NDUFB9: variants seen among roughly 807,000 people sequenced by gnomAD.
NDUFB9 encodes NADH dehydrogenase [ubiquinone] 1 beta subcomplex subunit 9.
A neutral mutation model predicts 30.2 loss-of-function variants in NDUFB9; 24 were observed. The ratio of observed to expected loss-of-function variants is 0.80; its 90% confidence interval spans 0.58 to 1.12. The LOEUF is 1.12. NDUFB9 is among the 50% of genes most tolerant of loss of function. The pLI is 0.00. For synonymous variants in NDUFB9, 80 were observed against 84.0 expected (o/e 0.95, Z 0.26); for missense variants, 204 against 226.0 (o/e 0.90, Z 0.62).
Position 124,539,595 on chromosome 8 carries a change from T to C in NDUFB9, c.101+308T>C, listed in dbSNP as rs138105042. 4.2e-4 allele frequency: 167 copies of C among 393,034 alleles called. 5 individuals are homozygous for C. The East Asian group carries it at 8.1e-3, about 19-fold the overall frequency. The allele number at this position is 393,034 out of a possible 1,614,324, so 24.3% of individuals were successfully genotyped here. A position where few individuals can be genotyped will look rare whatever the true frequency, so the allele number is the denominator to read the frequency against. On this transcript the variant is annotated intron_variant, in intron 1 of 3. Transcript: ENST00000276689. ...AGGAAAGTGCCTAAAATTGTAATTG[T>C]CATGGGTCCAGCGCTCGCTCAATCG... is the stretch of plus-strand genomic sequence containing the variant.
chr8:124,541,546 T>G (rs1821987041), intron 1 of NDUFB9, among the ~76,000 whole-genome samples: 1 of 152,240 alleles, frequency 6.6e-6, no homozygotes, highest in South Asian at 2.1e-4. Context: ...CCTTAAGATA[T>G]ACACACTGTT....
Position 124,543,208 on chromosome 8 carries a change from C to T in NDUFB9, c.223C>T (p.Gln75Ter). The T allele has an allele frequency of 1.2e-6, 2 of 1,614,204 alleles. No homozygotes were observed. Among genetic ancestry groups the T allele is most frequent in the Non-Finnish European group, 1.7e-6 (2 of 1,180,022 alleles). ...KEAEEEFWYR[Q>*]HPQPYIFPDS... ...GGCCGAGGAAGAATTCTGGTACCGT[C>T]AGCATCCACAGCCATACATCTTCCC... The change falls in exon 2 of 4, where the codon CAG becomes TAG. Residue 75 changes from glutamine (Q) to a stop codon, truncating the protein, a stop_gained. Transcript: ENST00000276689. LOFTEE classifies it high-confidence loss of function.
chr8:124,547,922 T>G (rs1013204414), intron 3 of NDUFB9, among the ~76,000 whole-genome samples: 1 of 151,636 alleles, frequency 6.6e-6, no homozygotes, highest in Admixed American at 6.6e-5. Context: ...GAGGTGGAGG[T>G]TGCAATGAGC....
intron 3 of NDUFB9, among the ~76,000 whole-genome samples, chr8:124,548,463 T>C (rs1822221869): frequency 6.6e-6 from 1 of 152,092 alleles, no homozygotes; most frequent in African/African-American, 2.4e-5. Context: ...ATTTGGAGAA[T>C]GTGGACAAGA....
At chr8:124,541,447 G>C (rs1821980880) in intron 1 of NDUFB9, among the ~76,000 whole-genome samples, 1 of 152,114 alleles carries the variant, frequency 6.6e-6, no homozygotes, top group Non-Finnish European at 1.5e-5. Context: ...TCTCTTTCCA[G>C]TATGATATTA....
chr8:124,549,890 TAGAA>T lies in NDUFB9; in HGVS notation c.*2_*5del, dbSNP rs996347282. The T allele has an allele frequency of 6.2e-7, 1 of 1,614,188 alleles. No individual in the cohort carries two copies. The highest frequency in any genetic ancestry group is 1.3e-5 in the African/African-American group (1 of 75,066). On this transcript the variant is annotated stop_retained_variant and 3_prime_UTR_variant, in exon 4 of 4. Transcript: ENST00000276689. ...GACCAGACCCCGGGAGCGGCCCATG[TAGAA>T]AGAGAGAGACCTCATCTTTCATGCT...
At chr8:124,547,159 G>GCAAAACTTCACTCCA in intron 3 of NDUFB9, 46 bp downstream of exon 3, 1 of 1,473,158 alleles carries the variant, frequency 6.8e-7, no homozygotes, top group Non-Finnish European at 9.5e-7. Flanking sequence ...TGTAGATGGA[G>GCAAAACTTCACTCCA]TGAAGTTTTG....
At chr8:124,545,362 G>A (rs1010341919) in intron 2 of NDUFB9, among the ~76,000 whole-genome samples, 7 of 152,180 alleles carry the variant, frequency 4.6e-5, no homozygotes, top group African/African-American at 1.7e-4. Context: ...GTCAGTTGAT[G>A]TCGCAAACCT....
chr8:124,546,874 C>T, intron 2 of NDUFB9, 126 bp from the exon 3 acceptor site: 2 of 778,290 alleles, frequency 2.6e-6, no homozygotes, highest in Admixed American at 1.7e-5. Context: ...GAGTTAGAAA[C>T]AGTCTGGTAG....
At chr8:124,547,808 C>G (rs1469113360) in intron 3 of NDUFB9, among the ~76,000 whole-genome samples, 2 of 151,940 alleles carry the variant, frequency 1.3e-5, no homozygotes. Flanking sequence ...ATGGTGAAAC[C>G]CCATCTCTAC....
chr8:124,542,865 G>GA, intron 1 of NDUFB9: 1 of 354,026 alleles, frequency 2.8e-6, no homozygotes, highest in East Asian at 4.7e-5. Context: ...TGTAAGAGGA[G>GA]AAAAATGGTT....
chr8:124,543,015 C>G, intron 1 of NDUFB9, 72 bp from the exon 2 acceptor site: 1 of 1,519,096 alleles, frequency 6.6e-7, no homozygotes, highest in South Asian at 1.1e-5. Flanking sequence ...GAAGTGCAGC[C>G]TCCTGTCAGA....
At chr8:124,540,560 T>C (rs1028857486) in intron 1 of NDUFB9, among the ~76,000 whole-genome samples, 1 of 152,150 alleles carries the variant, frequency 6.6e-6, no homozygotes, top group Admixed American at 6.5e-5. Flanking sequence ...ACAATAATTA[T>C]GTGTCAAAAA....
intron 3 of NDUFB9, among the ~76,000 whole-genome samples, chr8:124,548,292 G>A (rs1563709402): frequency 6.6e-6 from 1 of 152,012 alleles, no homozygotes; most frequent in Non-Finnish European, 1.5e-5. Flanking sequence ...AGAGTATAGA[G>A]AAAAAAGAAA....
intron 2 of NDUFB9, among the ~76,000 whole-genome samples, chr8:124,544,960 G>A (rs1822118909): frequency 6.6e-6 from 1 of 152,196 alleles, no homozygotes; most frequent in South Asian, 2.1e-4. Flanking sequence ...GGGGTTGGAA[G>A]AAGTTGATTC....
At chr8:124,540,153 C>T (rs945902524) in intron 1 of NDUFB9, among the ~76,000 whole-genome samples, 1 of 152,176 alleles carries the variant, frequency 6.6e-6, no homozygotes, top group Non-Finnish European at 1.5e-5. Flanking sequence ...ACCCTCGAAG[C>T]CCAGATTGCA....
chr8:124,549,514 G>A lies in NDUFB9; in HGVS notation c.409-247G>A, dbSNP rs3829038. On this transcript the variant is annotated intron_variant, in intron 3 of 3. Transcript: ENST00000276689. ...TAATGAGGTGATGAAAAGGGGTAGG[G>A]GGAAGAATAGGAAGGGTAGGCTTTG... Among the ~76,000 whole-genome samples the A allele has an allele frequency of 0.086, 13,044 of 152,174 alleles. 852 individuals carry two copies. The highest frequency in any genetic ancestry group is 0.29 in the South Asian group (1,411 of 4,824).
At chr8:124,547,403 C>G (rs1262068516) in intron 3 of NDUFB9, 3 of 602,410 alleles carry the variant, frequency 5.0e-6, no homozygotes, top group Non-Finnish European at 8.8e-6. Context: ...CCTCAACCTG[C>G]CTCTCCACTA....
intron 2 of NDUFB9, among the ~76,000 whole-genome samples, chr8:124,545,889 C>T (rs1024852908): frequency 6.6e-6 from 1 of 152,166 alleles, no homozygotes; most frequent in East Asian, 1.9e-4. Context: ...TTTGCCCAGG[C>T]TGGAGTGCAA....
Sources: allele counts gnomAD v4.1 joint callset (sites outside exome capture counted in the v4.1 genomes callset), GRCh38; gene constraint gnomAD v4.1.1; transcripts MANE v1.5; gene names NCBI Gene and HGNC (gene_info 2026-07-23, HGNC 2026-07-21).